GRAMD2A: variants seen among roughly 807,000 people sequenced by gnomAD.
GRAMD2A encodes GRAM domain containing 2A, also known as GRAM domain-containing protein 2A.
A neutral mutation model predicts 51.1 loss-of-function variants in GRAMD2A; 37 were observed. That is an observed-to-expected ratio of 0.72 (90% CI 0.56 to 0.95). The LOEUF is 0.95. Among genes scored for constraint, GRAMD2A ranks in the 40% least tolerant of loss-of-function variants. The pLI is 0.00. For synonymous variants in GRAMD2A, 136 were observed against 157.1 expected (o/e 0.87, Z 1.01); for missense variants, 414 against 426.9 (o/e 0.97, Z 0.27).
intron 1 of GRAMD2A, among the ~76,000 whole-genome samples, chr15:72,177,270 TG>T (rs2081660882): frequency 6.6e-6 from 1 of 152,208 alleles, no homozygotes; most frequent in African/African-American, 2.4e-5. Flanking sequence ...CTTAAATTGT[TG>T]TTGAAGTATT....
chr15:72,190,103 G>A (rs980596977), intron 1 of GRAMD2A, among the ~76,000 whole-genome samples: 4 of 152,176 alleles, frequency 2.6e-5, no homozygotes, highest in Non-Finnish European at 2.9e-5. Flanking sequence ...TTAGCTGGGC[G>A]TGGTGGCTCA....
intron 1 of GRAMD2A, among the ~76,000 whole-genome samples, chr15:72,187,231 T>C (rs927271218): frequency 1.3e-5 from 2 of 151,362 alleles, no homozygotes; most frequent in African/African-American, 4.9e-5. Context: ...AAAAAAACTA[T>C]ACTTAAGGGT....
At position 72,170,437 on chromosome 15, in the gene GRAMD2A, GT is replaced by G; in HGVS notation, c.42-499del. On this transcript the variant is annotated intron_variant, in intron 1 of 11. Transcript: ENST00000309731. This position sits in a 1 kb window ranked among gnomAD's most constrained non-coding sequence, Gnocchi z 4.5. ...AGCTGATGCGCTGAAGGTGTGGGAG[GT>G]GGACGCCCATCAGCCTACAGGTGAG... The G allele has an allele frequency of 2.2e-6, 1 of 455,910 alleles. No homozygotes were observed. 28.2% of individuals were successfully genotyped at this position (455,910 alleles called of 1,614,324 possible). A position where few individuals can be genotyped will look rare whatever the true frequency, so the allele number is the denominator to read the frequency against.
At chr15:72,194,128 C>T (rs916862085) in intron 1 of GRAMD2A, among the ~76,000 whole-genome samples, 1 of 152,196 alleles carries the variant, frequency 6.6e-6, no homozygotes, top group Non-Finnish European at 1.5e-5. Context: ...AGGTGAATAG[C>T]GCACAGTGGC....
intron 1 of GRAMD2A, among the ~76,000 whole-genome samples, chr15:72,185,863 A>C (rs932941532): frequency 6.6e-6 from 1 of 152,240 alleles, no homozygotes; most frequent in Non-Finnish European, 1.5e-5. Context: ...CAAAAAGATA[A>C]CCCAGGGAGA....
intron 1 of GRAMD2A, among the ~76,000 whole-genome samples, chr15:72,191,607 T>A (rs550002445): frequency 3.9e-5 from 6 of 152,346 alleles, no homozygotes; most frequent in African/African-American, 1.4e-4. Context: ...TGGGTCTGCA[T>A]GAAATAATCA....
chr15:72,165,254 G>T (rs1334420051), intron 8 of GRAMD2A, 100 bp downstream of exon 8: 3 of 1,026,258 alleles, frequency 2.9e-6, no homozygotes, highest in Non-Finnish European at 4.5e-6. Flanking sequence ...TGAGCCTGGT[G>T]CCCCAGTTCT....
intron 8 of GRAMD2A, among the ~76,000 whole-genome samples, chr15:72,164,995 T>C (rs952749655): frequency 3.7e-4 from 56 of 152,276 alleles, no homozygotes; most frequent in African/African-American, 1.3e-3. Flanking sequence ...AAAAATTAGC[T>C]GAGTGTGATG....
At chr15:72,162,634 G>A (rs1307969884) in intron 10 of GRAMD2A, 11 of 371,386 alleles carry the variant, frequency 3.0e-5, no homozygotes, top group Non-Finnish European at 5.5e-5. Context: ...GGGGAGCTCT[G>A]GCCAGACAGC....
intron 1 of GRAMD2A, among the ~76,000 whole-genome samples, chr15:72,187,542 A>G (rs2081742307): frequency 1.3e-5 from 2 of 152,046 alleles, no homozygotes; most frequent in African/African-American, 2.4e-5. Flanking sequence ...GAGACAGGGT[A>G]TCACTCTGTT....
intron 1 of GRAMD2A, among the ~76,000 whole-genome samples, chr15:72,191,605 C>T (rs1281443975): frequency 6.6e-6 from 1 of 152,182 alleles, no homozygotes; most frequent in Non-Finnish European, 1.5e-5. Flanking sequence ...AATGGGTCTG[C>T]ATGAAATAAT....
intron 8 of GRAMD2A, chr15:72,163,999 G>A (rs1156541092): frequency 2.2e-6 from 1 of 446,856 alleles, no homozygotes; most frequent in Non-Finnish European, 4.0e-6. Flanking sequence ...CACTGCTAGT[G>A]TAGAACCACA....
chr15:72,168,906 G>A (rs2081578495), intron 3 of GRAMD2A, 33 bp downstream of exon 3: 1 of 1,601,620 alleles, frequency 6.2e-7, no homozygotes, highest in Non-Finnish European at 8.6e-7. Flanking sequence ...CCCCTTCCTG[G>A]GTGAATAGTG....
chr15:72,166,787 C>G lies in GRAMD2A; in HGVS notation c.472-84G>C. The G allele has an allele frequency of 8.3e-7, 1 of 1,202,550 alleles. No individual in the cohort carries two copies. The highest frequency in any genetic ancestry group is 1.2e-6 in the Non-Finnish European group (1 of 814,624). 74.5% of individuals were successfully genotyped at this position (1,202,550 alleles called of 1,614,324 possible). On this transcript the variant is annotated intron_variant, in intron 6 of 11. Transcript: ENST00000309731. The surrounding 1 kb of genome is among the most constrained non-coding windows in gnomAD (Gnocchi z 4.1). ...AGCCAGCCCCCTTGTGGATTGGGCACAGGCCCACAGGGGTATCAGGCCATG... is the reference window on the plus strand; with the variant it reads ...AGCCAGCCCCCTTGTGGATTGGGCAGAGGCCCACAGGGGTATCAGGCCATG...
intron 1 of GRAMD2A, among the ~76,000 whole-genome samples, chr15:72,183,282 C>T (rs1393643242): frequency 6.6e-6 from 1 of 151,868 alleles, no homozygotes; most frequent in African/African-American, 2.4e-5. Context: ...CTTTGGGAGC[C>T]GAGGTGGGCA....
chr15:72,171,841 T>TA (rs1436739591), intron 1 of GRAMD2A, among the ~76,000 whole-genome samples: 19 of 151,284 alleles, frequency 1.3e-4, no homozygotes, highest in African/African-American at 2.4e-4. Context: ...TTTTATTTTT[T>TA]TTTTTTGAGA....
intron 1 of GRAMD2A, among the ~76,000 whole-genome samples, chr15:72,180,444 C>T (rs1270952551): frequency 2.0e-5 from 3 of 152,256 alleles, no homozygotes; most frequent in South Asian, 2.1e-4. Flanking sequence ...TCTTGGGGGC[C>T]GCCCTCCGGC....
In GRAMD2A at chr15:72,167,174, G is replaced by C. The variant is rs898189849; in HGVS notation, c.373-82C>G. 45 of 1,045,646 alleles carry C rather than the reference G, an allele frequency of 4.3e-5. No homozygotes were observed. The Admixed American group carries it at 7.9e-4, about 18-fold the overall frequency. The allele number at this position is 1,045,646 out of a possible 1,614,324, so 64.8% of individuals were successfully genotyped here. ...GCTCCCTGCCTAGGGACCCAGCTGT[G>C]AGCCCAGCATGGCCACCATGGGGAA... is the stretch of plus-strand genomic sequence containing the variant. On this transcript the variant is annotated intron_variant, in intron 5 of 11. Coordinates refer to ENST00000309731, the MANE Select transcript of GRAMD2A (RefSeq NM_001012642.3).
intron 1 of GRAMD2A, among the ~76,000 whole-genome samples, chr15:72,172,824 G>T (rs950397087): frequency 6.6e-6 from 1 of 152,048 alleles, no homozygotes; most frequent in African/African-American, 2.4e-5. Flanking sequence ...TGGTATTTCT[G>T]CTGTGCCTGT....
Sources: gnomAD v4.1 joint callset for allele counts (sites outside exome capture counted in the v4.1 genomes callset) on GRCh38, gnomAD v4.1.1 for gene constraint, Gnocchi (gnomAD v3.1) non-coding constraint, MANE v1.5 for transcripts, NCBI Gene and HGNC (gene_info 2026-07-23, HGNC 2026-07-21) for gene names.